Variants in RANBP2 observed in about 807,000 individuals in gnomAD.
RANBP2 encodes the protein RAN binding protein 2.
Under a neutral mutation model 303.6 loss-of-function variants are expected in RANBP2, and 57 were observed. That is an observed-to-expected ratio of 0.19 (90% CI 0.15 to 0.23). The LOEUF (loss-of-function observed/expected upper bound fraction) is 0.23, where lower values mean the gene tolerates loss of function less well. Ranked by LOEUF, RANBP2 falls within the 10% of genes least tolerant of loss-of-function variation. The probability of loss-of-function intolerance (pLI) is 1.00; values close to 1 mark genes in which losing one functional copy is unlikely to be tolerated. For missense variants in RANBP2, 3,138 were observed against 3,780.8 expected, an observed-to-expected ratio of 0.83 and a Z score of 4.46; for synonymous variants, 1,167 against 1,301.5, an observed-to-expected ratio of 0.90 and a Z score of 2.23.
chr2:109,188,195 C>T, the RANBP2 span, among the ~76,000 whole-genome samples: 152 of 152,346 alleles, frequency 1.0e-3, no homozygotes, highest in African/African-American at 3.2e-3. Flanking sequence ...TCCCTGGGCC[C>T]GAAGGGCTTT....
chr2:109,119,952 A>C, the RANBP2 span, among the ~76,000 whole-genome samples: 1 of 152,238 alleles, frequency 6.6e-6, no homozygotes, highest in Non-Finnish European at 1.5e-5. Flanking sequence ...TATCCCATGA[A>C]TTTAAACAAA....
At chr2:109,552,536 G>C in the RANBP2 span, 15 of 152,432 alleles carry the variant, frequency 9.8e-5, no homozygotes, top group African/African-American at 3.1e-4. Flanking sequence ...AAAGGAGTGA[G>C]ATGACAAAGG....
chr2:109,187,394 C>T, the RANBP2 span, among the ~76,000 whole-genome samples: 1 of 151,012 alleles, frequency 6.6e-6, no homozygotes, highest in Non-Finnish European at 1.5e-5. Flanking sequence ...TTAGAAAAAG[C>T]TAAGATGGTG....
At chr2:109,436,764 C>T in the RANBP2 span, 191 of 1,398,690 alleles carry the variant, frequency 1.4e-4, 1 homozygote, top group East Asian at 4.8e-3. Flanking sequence ...TGTTTTAGGA[C>T]CTCGTCCCCA....
chr2:108,946,248 C>A, the RANBP2 span, among the ~76,000 whole-genome samples: 4 of 152,224 alleles, frequency 2.6e-5, no homozygotes, highest in Non-Finnish European at 4.4e-5. Context: ...TTATCACAGG[C>A]TCTTCAGATA....
the RANBP2 span, chr2:109,490,806 G>A: frequency 2.6e-6 from 4 of 1,536,870 alleles, no homozygotes; most frequent in Admixed American, 2.0e-5. Context: ...CGAGATGCAG[G>A]GTGCCATGGG....
At chr2:108,821,667 G>A in the RANBP2 span, among the ~76,000 whole-genome samples, 7 of 151,936 alleles carry the variant, frequency 4.6e-5, no homozygotes, top group East Asian at 1.9e-4. Context: ...CTTCCTGGCC[G>A]AGTGTGGTGC....
At chr2:108,800,803 G>A in the RANBP2 span, among the ~76,000 whole-genome samples, 2 of 105,470 alleles carry the variant, frequency 1.9e-5, no homozygotes, top group South Asian at 7.3e-4. Flanking sequence ...ACAGTCCCCA[G>A]AGTGTGATAT....
chr2:109,680,032 G>A, the RANBP2 span, among the ~76,000 whole-genome samples: 2 of 151,548 alleles, frequency 1.3e-5, no homozygotes, highest in Non-Finnish European at 2.9e-5. Context: ...AACCTAGAGA[G>A]AAAAAATAAA....
chr2:109,711,068 G>T, the RANBP2 span, among the ~76,000 whole-genome samples: 1 of 151,804 alleles, frequency 6.6e-6, no homozygotes, highest in South Asian at 2.1e-4. Flanking sequence ...ACACATTTGC[G>T]TAGGTCTGCT....
chr2:108,995,857 T>C, the RANBP2 span, among the ~76,000 whole-genome samples: 1 of 152,116 alleles, frequency 6.6e-6, no homozygotes, highest in African/African-American at 2.4e-5. Flanking sequence ...CTCCAACCCC[T>C]TGTGCAGCTG....
At chr2:109,071,967 C>T in the RANBP2 span, among the ~76,000 whole-genome samples, 8 of 152,204 alleles carry the variant, frequency 5.3e-5, no homozygotes, top group East Asian at 5.8e-4. Flanking sequence ...GAATATATCA[C>T]AAAGAGGAAT....
At chr2:108,721,903 G>T (rs904254265) in intron 1 of RANBP2, among the ~76,000 whole-genome samples, 3 of 151,540 alleles carry the variant, frequency 2.0e-5, no homozygotes, top group African/African-American at 7.3e-5. Flanking sequence ...CACCATGCCC[G>T]GCTTTTTTCT....
At chr2:109,096,694 T>C in the RANBP2 span, among the ~76,000 whole-genome samples, 5 of 152,218 alleles carry the variant, frequency 3.3e-5, no homozygotes, top group South Asian at 1.0e-3. Flanking sequence ...TAATAGAAAA[T>C]TGAACTAATA....
chr2:109,030,781 TCTCA>T, the RANBP2 span, among the ~76,000 whole-genome samples: 7 of 152,174 alleles, frequency 4.6e-5, no homozygotes, highest in African/African-American at 1.7e-4. Flanking sequence ...GTTTTCTAGG[TCTCA>T]CTATGTTGCC....
the RANBP2 span, among the ~76,000 whole-genome samples, chr2:108,886,603 C>T: frequency 2.0e-5 from 3 of 151,806 alleles, no homozygotes; most frequent in South Asian, 2.1e-4. Context: ...TTAATAGAGA[C>T]GGCTTTCACT....
the RANBP2 span, among the ~76,000 whole-genome samples, chr2:109,209,589 A>G: frequency 6.6e-6 from 1 of 152,050 alleles, no homozygotes; most frequent in Non-Finnish European, 1.5e-5. Context: ...CTTCCTTTTG[A>G]GTTTCCTATC....
chr2:108,950,558 A>T, the RANBP2 span, among the ~76,000 whole-genome samples: 1 of 152,226 alleles, frequency 6.6e-6, no homozygotes, highest in Non-Finnish European at 1.5e-5. Flanking sequence ...TTCTGACATG[A>T]TGTAGCTGAA....
chr2:109,518,874 C>T, the RANBP2 span, among the ~76,000 whole-genome samples: 68 of 151,314 alleles, frequency 4.5e-4, no homozygotes, highest in South Asian at 0.014. Flanking sequence ...TTTACATGGC[C>T]CCAGCAGGAG....
Sources: allele counts gnomAD v4.1 joint callset (sites outside exome capture counted in the v4.1 genomes callset), GRCh38; gene constraint gnomAD v4.1.1; transcripts MANE v1.5; gene names NCBI Gene and HGNC (gene_info 2026-07-23, HGNC 2026-07-21).